Variants in IFNLR1 observed in about 807,000 individuals in gnomAD.
The protein encoded by IFNLR1 is CRF2-12.
In IFNLR1, 28 loss-of-function variants were observed where a neutral mutation model predicts 52.5. The observed-to-expected ratio is 0.53, with a 90% CI of 0.40 to 0.73. The LOEUF is 0.73. Ranked by LOEUF, IFNLR1 falls within the 30% of genes least tolerant of loss-of-function variation. The pLI, the probability that IFNLR1 is intolerant of heterozygous loss-of-function variation, is 0.00. For missense variants in IFNLR1, 623 were observed against 659.1 expected (o/e 0.95, Z 0.60); for synonymous variants, 276 against 274.9 (o/e 1.00, Z -0.04).
rs1305024863 is a variant in IFNLR1 at position 24,155,928 on chromosome 1, GA to G, written c.*1201del. 1 of 152,194 alleles carries G rather than the reference GA, an allele frequency of 6.6e-6. No homozygotes were observed. The highest frequency in any genetic ancestry group is 1.5e-5 in the Non-Finnish European group (1 of 68,034). 9.4% of individuals were successfully genotyped at this position (152,194 alleles called of 1,614,324 possible). A position where few individuals can be genotyped will look rare whatever the true frequency, so the allele number is the denominator to read the frequency against. ...AGGTAAGGATAGTCACCTGAATCTA[GA>G]AGGCATTGGTTTCTCATAACTGGAA... On this transcript the variant is annotated 3_prime_UTR_variant, in exon 7 of 7. Coordinates refer to ENST00000327535, the MANE Select transcript of IFNLR1 (RefSeq NM_170743.4).
chr1:24,186,698 A>G (rs1644742722), intron 1 of IFNLR1, among the ~76,000 whole-genome samples: 1 of 152,168 alleles, frequency 6.6e-6, no homozygotes, highest in Admixed American at 6.5e-5. Flanking sequence ...CAAAACAACA[A>G]CAAAACAACA....
chr1:24,174,473 T>C (rs1004524563), intron 2 of IFNLR1, among the ~76,000 whole-genome samples: 3 of 152,140 alleles, frequency 2.0e-5, no homozygotes, highest in African/African-American at 7.2e-5. Context: ...AAAAGACTAT[T>C]GGTAGGAATA....
rs1644381244 is a variant in IFNLR1 at position 24,156,645 on chromosome 1, T to G, written c.*485A>C. ...AACTGGATTTTTATCTGGGCCTAAC[T>G]AGGGGACCCATGAATCAGGAGGCTG... On this transcript the variant is annotated 3_prime_UTR_variant, in exon 7 of 7. Coordinates refer to ENST00000327535, the MANE Select transcript of IFNLR1 (RefSeq NM_170743.4). 6.4e-6 allele frequency: 1 copy of G among 155,886 alleles called. No individual in the cohort carries two copies. The highest frequency in any genetic ancestry group is 1.4e-5 in the Non-Finnish European group (1 of 70,870). 9.7% of individuals were successfully genotyped at this position (155,886 alleles called of 1,614,324 possible).
Position 24,159,315 on chromosome 1 carries a change from C to T in IFNLR1, c.671-133G>A, listed in dbSNP as rs545401373. 17 of 1,334,204 alleles carry T rather than the reference C, an allele frequency of 1.3e-5. No individual in the cohort carries two copies. The East Asian group carries it at 4.0e-4, about 31-fold the overall frequency. The allele number at this position is 1,334,204 out of a possible 1,614,324, so 82.6% of individuals were successfully genotyped here. ...AAACCCATCCTGCAGACTGTGCAAA[C>T]CAAGGTTTGGGGCATTATGTAAGCT... On this transcript the variant is annotated intron_variant, in intron 5 of 6. Coordinates refer to ENST00000327535, the MANE Select transcript of IFNLR1 (RefSeq NM_170743.4).
Position 24,156,975 on chromosome 1 carries a change from C to G in IFNLR1, c.*155G>C. Reference sequence around the variant, plus strand: ...AGGGAGGGGCATCTTGTTGCTCAGCCCGACAGGCAAACAGCCGCTAGGTGG... The same window carrying G: ...AGGGAGGGGCATCTTGTTGCTCAGCGCGACAGGCAAACAGCCGCTAGGTGG... On this transcript the variant is annotated 3_prime_UTR_variant, in exon 7 of 7. Coordinates refer to ENST00000327535, the MANE Select transcript of IFNLR1 (RefSeq NM_170743.4). The G allele has an allele frequency of 3.8e-6, 3 of 791,332 alleles. No individual in the cohort carries two copies. Among genetic ancestry groups the G allele is most frequent in the Non-Finnish European group, 6.0e-6 (3 of 496,556 alleles). 49.0% of individuals were successfully genotyped at this position (791,332 alleles called of 1,614,324 possible). A position where few individuals can be genotyped will look rare whatever the true frequency, so the allele number is the denominator to read the frequency against.
intron 2 of IFNLR1, among the ~76,000 whole-genome samples, chr1:24,175,607 T>C (rs1424736637): frequency 6.6e-6 from 1 of 152,174 alleles, no homozygotes; most frequent in African/African-American, 2.4e-5. Context: ...GATGAGACTT[T>C]GGACTTAGAG....
At chr1:24,180,885 G>C in intron 1 of IFNLR1, 31 bp from the exon 2 acceptor site, 2 of 1,606,824 alleles carry the variant, frequency 1.2e-6, no homozygotes, top group Non-Finnish European at 1.7e-6. Context: ...ATGAAGCCTG[G>C]AGCTCCTGGC....
intron 2 of IFNLR1, among the ~76,000 whole-genome samples, chr1:24,174,875 A>C (rs1035996710): frequency 1.3e-5 from 2 of 152,176 alleles, no homozygotes; most frequent in African/African-American, 4.8e-5. Context: ...TTGCAAAAAA[A>C]AAAATGAGAA....
At chr1:24,174,828 G>C (rs1034728605) in intron 2 of IFNLR1, among the ~76,000 whole-genome samples, 1 of 151,718 alleles carries the variant, frequency 6.6e-6, no homozygotes, top group African/African-American at 2.4e-5. Flanking sequence ...AAAGGAACTA[G>C]AACTTGAAGC....
At chr1:24,171,951 C>A (rs1644583939) in intron 2 of IFNLR1, among the ~76,000 whole-genome samples, 2 of 152,026 alleles carry the variant, frequency 1.3e-5, no homozygotes, top group Admixed American at 1.3e-4. Context: ...GATGAGCCAC[C>A]ACTCCTGGCC....
intron 2 of IFNLR1, among the ~76,000 whole-genome samples, chr1:24,180,355 G>T (rs1425448115): frequency 1.3e-5 from 2 of 151,502 alleles, no homozygotes; most frequent in Admixed American, 6.6e-5. Flanking sequence ...AATTGCCCAG[G>T]TAACAGCTCC....
In IFNLR1 at chr1:24,159,541, G is replaced by A. The variant is rs993006801; in HGVS notation, c.603C>T (p.Ile201=). ...TGTATTTCGGGACACTGAACGTGTA[G>A]ATGGTTCTGGCACTGAGGCAGTGGT... ...SEHHCLSART[I]YTFSVPKYSK... The change falls in exon 5 of 7, where the codon ATC becomes ATT. Residue 201 remains isoleucine, a synonymous_variant. Coordinates refer to ENST00000327535, the MANE Select transcript of IFNLR1 (RefSeq NM_170743.4). The A allele has an allele frequency of 1.9e-6, 3 of 1,614,144 alleles. No homozygotes were observed. In the Admixed American group the frequency reaches 5.0e-5, roughly 27 times the overall value.
intron 2 of IFNLR1, 36 bp from the exon 3 acceptor site, chr1:24,169,637 T>C: frequency 6.3e-7 from 1 of 1,588,962 alleles, no homozygotes; most frequent in Non-Finnish European, 8.6e-7. Flanking sequence ...GGCCATGGAC[T>C]CAGCCTCTCC....
intron 2 of IFNLR1, among the ~76,000 whole-genome samples, chr1:24,172,351 A>C (rs1260468088): frequency 6.6e-6 from 1 of 152,170 alleles, no homozygotes; most frequent in Non-Finnish European, 1.5e-5. Context: ...CCATGAACAG[A>C]TCAAAACTGG....
Position 24,180,938 on chromosome 1 carries a change from G to GCA in IFNLR1, c.59-85_59-84insTG. The GCA allele has an allele frequency of 3.5e-6, 5 of 1,421,536 alleles. No homozygotes were observed. The South Asian group carries it at 6.5e-5, about 19-fold the overall frequency. The allele number at this position is 1,421,536 out of a possible 1,614,324, so 88.1% of individuals were successfully genotyped here. A position where few individuals can be genotyped will look rare whatever the true frequency, so the allele number is the denominator to read the frequency against. ...ATCCCAAGCTGAGGGGCAGCACGAA[G>GCA]GGCAAGCAGGTGCTCACTGAGTTTG... On this transcript the variant is annotated intron_variant, in intron 1 of 6. Transcript: ENST00000327535.
chr1:24,186,992 C>T (rs1388015027), intron 1 of IFNLR1, among the ~76,000 whole-genome samples, 199 bp downstream of exon 1: 1 of 152,190 alleles, frequency 6.6e-6, no homozygotes, highest in Non-Finnish European at 1.5e-5. Flanking sequence ...TCGTTTCCTG[C>T]GGGAGAGGAA....
chr1:24,159,414 G>T, intron 5 of IFNLR1, 60 bp downstream of exon 5: 1 of 1,501,290 alleles, frequency 6.7e-7, no homozygotes, highest in Non-Finnish European at 9.2e-7. Context: ...TAACCACTGT[G>T]TCACGAAGCT....
intron 1 of IFNLR1, among the ~76,000 whole-genome samples, chr1:24,184,991 C>A (rs1452187934): frequency 6.6e-6 from 1 of 151,902 alleles, no homozygotes; most frequent in Admixed American, 6.6e-5. Context: ...TGCACTCCAG[C>A]CTGGGTGACA....
chr1:24,161,482 C>T (rs759238227), intron 4 of IFNLR1, 60 bp downstream of exon 4: 2 of 1,547,054 alleles, frequency 1.3e-6, no homozygotes, highest in South Asian at 1.2e-5. Context: ...GTGAGAAGAA[C>T]CTGAGTAAGA....
Sources: gnomAD v4.1 joint callset for allele counts (sites outside exome capture counted in the v4.1 genomes callset) on GRCh38, gnomAD v4.1.1 for gene constraint, MANE v1.5 for transcripts, NCBI Gene and HGNC (gene_info 2026-07-23, HGNC 2026-07-21) for gene names.